Variants in SPMIP4 observed in about 807,000 individuals in gnomAD.
SPMIP4 encodes the protein sperm microtubule inner protein 4.
the SPMIP4 span, among the ~76,000 whole-genome samples, chr7:25,139,795 G>T: frequency 3.4e-4 from 52 of 152,110 alleles, no homozygotes; most frequent in African/African-American, 1.2e-3. Context: ...GCAGTTTTTA[G>T]TGCTTTTATT....
the SPMIP4 span, among the ~76,000 whole-genome samples, chr7:25,154,812 C>T: frequency 0.13 from 20,365 of 152,138 alleles, 2,570 homozygotes; most frequent in African/African-American, 0.33. Context: ...AGTTTGGGAG[C>T]ACCTGCAGAG....
At chr7:25,141,552 C>T in the SPMIP4 span, among the ~76,000 whole-genome samples, 1 of 66,110 alleles carries the variant, frequency 1.5e-5, no homozygotes, top group African/African-American at 4.1e-5. Context: ...AGCCTGGCAA[C>T]AGAGTGAGAC....
the SPMIP4 span, chr7:25,151,667 C>T: frequency 6.2e-7 from 1 of 1,608,572 alleles, no homozygotes; most frequent in Non-Finnish European, 8.5e-7. Context: ...TCAATCAGTT[C>T]ATATCTATAA....
chr7:25,142,297 A>T, the SPMIP4 span: 1 of 1,613,200 alleles, frequency 6.2e-7, no homozygotes, highest in Non-Finnish European at 8.5e-7. Flanking sequence ...TTTTCATGGT[A>T]ATCATCCAGT....
the SPMIP4 span, among the ~76,000 whole-genome samples, chr7:25,154,757 C>T: frequency 7.9e-5 from 12 of 152,076 alleles, no homozygotes; most frequent in Admixed American, 1.3e-4. Flanking sequence ...AATTCTACAA[C>T]GTTTTGGTTT....
the SPMIP4 span, among the ~76,000 whole-genome samples, chr7:25,152,468 G>A: frequency 6.6e-6 from 1 of 152,212 alleles, no homozygotes; most frequent in Non-Finnish European, 1.5e-5. Flanking sequence ...GCCAGTCACT[G>A]TACTGTTTTA....
At chr7:25,127,845 G>A in the SPMIP4 span, among the ~76,000 whole-genome samples, 1 of 152,152 alleles carries the variant, frequency 6.6e-6, no homozygotes, top group South Asian at 2.1e-4. Context: ...TCTTGGGATG[G>A]CTTTCCAAGT....
At chr7:25,170,625 T>A in the SPMIP4 span, among the ~76,000 whole-genome samples, 2 of 152,230 alleles carry the variant, frequency 1.3e-5, no homozygotes, top group Non-Finnish European at 2.9e-5. Flanking sequence ...CCATAAAGAT[T>A]TATCGCTATG....
chr7:25,173,462 T>G, the SPMIP4 span, among the ~76,000 whole-genome samples: 2 of 152,192 alleles, frequency 1.3e-5, no homozygotes, highest in African/African-American at 4.8e-5. This position sits in a 1 kb window ranked among gnomAD's most constrained non-coding sequence, Gnocchi z 4.4. Flanking sequence ...AGTTGAATAG[T>G]TGGACAGAGA....
the SPMIP4 span, among the ~76,000 whole-genome samples, chr7:25,133,227 C>T: frequency 6.6e-6 from 1 of 152,046 alleles, no homozygotes; most frequent in Non-Finnish European, 1.5e-5. Context: ...ATGTTTTGTG[C>T]ATTTTGTTTT....
the SPMIP4 span, among the ~76,000 whole-genome samples, chr7:25,150,693 G>A: frequency 6.6e-6 from 1 of 152,096 alleles, no homozygotes; most frequent in African/African-American, 2.4e-5. Context: ...TGGAGTTATG[G>A]GACAGAGGTT....
chr7:25,151,608 A>T, the SPMIP4 span: 1 of 1,599,596 alleles, frequency 6.3e-7, no homozygotes, highest in Non-Finnish European at 8.6e-7. Flanking sequence ...CATAATATAC[A>T]CCTTGACCTG....
the SPMIP4 span, among the ~76,000 whole-genome samples, chr7:25,159,434 A>G: frequency 1.3e-5 from 2 of 152,260 alleles, no homozygotes; most frequent in Admixed American, 1.3e-4. Context: ...CCTGGAAAAA[A>G]GTCGACTAAA....
the SPMIP4 span, among the ~76,000 whole-genome samples, chr7:25,163,837 G>A: frequency 1.6e-3 from 248 of 152,232 alleles, no homozygotes; most frequent in African/African-American, 5.7e-3. The surrounding 1 kb of genome is among the most constrained non-coding windows in gnomAD (Gnocchi z 4.4). Flanking sequence ...CCTTCTCACC[G>A]TGCCTCTGCA....
the SPMIP4 span, among the ~76,000 whole-genome samples, chr7:25,170,689 G>A: frequency 6.6e-6 from 1 of 152,172 alleles, no homozygotes; most frequent in African/African-American, 2.4e-5. Flanking sequence ...TTTGATTCAG[G>A]ATAAGTTAAT....
At chr7:25,125,879 C>T in the SPMIP4 span, 3 of 983,116 alleles carry the variant, frequency 3.1e-6, no homozygotes, top group South Asian at 4.7e-5. Context: ...CACCTATACT[C>T]TGTTACTTTC....
the SPMIP4 span, chr7:25,125,922 C>T: frequency 1.0e-6 from 1 of 985,228 alleles, no homozygotes; most frequent in Non-Finnish European, 1.2e-6. Context: ...TGATGGACGC[C>T]CCAAGACTGA....
At chr7:25,127,660 T>C in the SPMIP4 span, among the ~76,000 whole-genome samples, 12 of 152,072 alleles carry the variant, frequency 7.9e-5, no homozygotes, top group Admixed American at 3.9e-4. Context: ...AAAAGTCACA[T>C]ATCTCTTTCT....
At chr7:25,157,251 C>A in the SPMIP4 span, among the ~76,000 whole-genome samples, 1 of 152,106 alleles carries the variant, frequency 6.6e-6, no homozygotes, top group Non-Finnish European at 1.5e-5. Flanking sequence ...AATAAATAAA[C>A]AAATGGAGTG....
Sources: gnomAD v4.1 joint callset for allele counts (sites outside exome capture counted in the v4.1 genomes callset) on GRCh38, gnomAD v4.1.1 for gene constraint, Gnocchi (gnomAD v3.1) non-coding constraint, MANE v1.5 for transcripts, NCBI Gene and HGNC (gene_info 2026-07-23, HGNC 2026-07-21) for gene names.